The following MARCHF1 variants were observed in gnomAD, a reference collection of about 807,000 sequenced individuals.
The protein encoded by MARCHF1 is membrane associated ring-CH-type finger 1.
MARCHF1 carries 40 observed loss-of-function variants against 54.2 expected under a neutral mutation model. The ratio of observed to expected loss-of-function variants is 0.74; its 90% CI spans 0.57 to 0.96. The LOEUF (loss-of-function observed/expected upper bound fraction) is 0.96, where lower values mean the gene tolerates loss of function less well. Among genes scored for constraint, MARCHF1 ranks in the 40% least tolerant of loss-of-function variants. MARCHF1 has a pLI of 0.00. For synonymous variants in MARCHF1, 236 were observed against 236.3 expected (o/e 1.00, Z 0.01); for missense variants, 586 against 656.5 (o/e 0.89, Z 1.17).
At chr4:163,790,243 G>A (rs1747738133) in intron 4 of MARCHF1, among the ~76,000 whole-genome samples, 1 of 151,990 alleles carries the variant, frequency 6.6e-6, no homozygotes, top group Admixed American at 6.6e-5. Flanking sequence ...TTTTCCTCCT[G>A]CTGTAATCTT....
intron 3 of MARCHF1, among the ~76,000 whole-genome samples, chr4:163,895,244 C>T (rs1017710812): frequency 3.3e-5 from 5 of 152,170 alleles, no homozygotes; most frequent in Non-Finnish European, 5.9e-5. Context: ...ATTAAGATGT[C>T]TATTTATGCA....
At chr4:164,351,187 G>T (rs1730312574) in intron 1 of MARCHF1, among the ~76,000 whole-genome samples, 1 of 151,454 alleles carries the variant, frequency 6.6e-6, no homozygotes, top group African/African-American at 2.4e-5. Context: ...GCTGGGGTAG[G>T]GGCGCCCGCC....
chr4:163,624,020 C>T (rs1030480663), intron 5 of MARCHF1, among the ~76,000 whole-genome samples: 3 of 152,132 alleles, frequency 2.0e-5, no homozygotes, highest in African/African-American at 7.2e-5. Context: ...GATAATACCT[C>T]GTGAACCGTA....
intron 2 of MARCHF1, among the ~76,000 whole-genome samples, chr4:164,095,383 T>C (rs1755387890): frequency 6.6e-6 from 1 of 150,900 alleles, no homozygotes; most frequent in Non-Finnish European, 1.5e-5. Context: ...CGAGAAGTGG[T>C]AAATGTGTTT....
At chr4:163,879,804 C>CGTGTGTGTGT (rs60539215) in intron 3 of MARCHF1, among the ~76,000 whole-genome samples, 4,260 of 148,452 alleles carry the variant, frequency 0.029, 74 homozygotes, top group Non-Finnish European at 0.037. Context: ...GATTTAGAGG[C>CGTGTGTGTGT]GTGTGTGTGT....
intron 2 of MARCHF1, among the ~76,000 whole-genome samples, chr4:163,990,385 T>C (rs17044362): frequency 0.033 from 5,034 of 152,218 alleles, 262 homozygotes; most frequent in African/African-American, 0.11. Context: ...ATGTTTCTGA[T>C]ACAAACCAAT....
intron 4 of MARCHF1, among the ~76,000 whole-genome samples, chr4:163,814,082 C>G (rs954965007): frequency 3.3e-5 from 5 of 152,300 alleles, no homozygotes; most frequent in Non-Finnish European, 7.4e-5. Flanking sequence ...TCGATTGTAT[C>G]TTGAGTTAAA....
intron 1 of MARCHF1, among the ~76,000 whole-genome samples, chr4:164,268,085 TCA>T (rs1162093116): frequency 6.6e-6 from 1 of 152,052 alleles, no homozygotes; most frequent in African/African-American, 2.4e-5. Context: ...CACACAAAAA[TCA>T]CACACACAAA....
intron 3 of MARCHF1, among the ~76,000 whole-genome samples, chr4:163,964,224 T>C (rs1453510617): frequency 6.6e-6 from 1 of 152,044 alleles, no homozygotes; most frequent in East Asian, 1.9e-4. Flanking sequence ...TGTTAATTTA[T>C]GTCTTCTTTG....
chr4:164,160,056 T>TA lies in MARCHF1; in HGVS notation c.-322-48395dup, dbSNP rs531799301. On this transcript the variant is annotated intron_variant, in intron 1 of 9. Coordinates refer to ENST00000514618, the MANE Select transcript of MARCHF1 (RefSeq NM_001394959.1). ...TACTTCAGACAGACTCTATTTTTTT[T>TA]ATTATTGTTAGATGTTACAAAGTGT... Among the ~76,000 whole-genome samples, 12 of 147,780 alleles carry TA rather than the reference T, an allele frequency of 8.1e-5. No homozygotes were observed. In the South Asian group the frequency reaches 2.6e-3, roughly 31 times the overall value.
chr4:163,720,242 A>G (rs1404626071), intron 4 of MARCHF1, among the ~76,000 whole-genome samples: 1 of 152,222 alleles, frequency 6.6e-6, no homozygotes, highest in Non-Finnish European at 1.5e-5. Context: ...AGCTTTCTAC[A>G]TATGGCTAGC....
chr4:163,999,001 T>C (rs759094801), intron 2 of MARCHF1, among the ~76,000 whole-genome samples: 4 of 151,624 alleles, frequency 2.6e-5, no homozygotes, highest in Non-Finnish European at 4.4e-5. Flanking sequence ...GTAGTTACAG[T>C]TTTCAATTTT....
rs1177002753 is a variant in MARCHF1, at chr4:164,157,732, T to G, written c.-322-46070A>C. 2.6e-5 allele frequency among the ~76,000 whole-genome samples: 4 copies of G among 152,148 alleles called. No homozygotes were observed. In the East Asian group the frequency reaches 7.7e-4, roughly 29 times the overall value. The stretch of plus-strand genomic sequence containing the variant: ...GTGTTTGTGTGTTCCCATGATCATC[T>G]TCTCAAAAAGACACCAGTATACTGG... On this transcript the variant is annotated intron_variant, in intron 1 of 9. Coordinates refer to ENST00000514618, the MANE Select transcript of MARCHF1 (RefSeq NM_001394959.1).
Position 163,867,054 on chromosome 4 carries a change from T to C in MARCHF1, c.-38-12885A>G, listed in dbSNP as rs139390061. Among the ~76,000 whole-genome samples, 975 of 151,932 alleles carry C rather than the reference T, an allele frequency of 6.4e-3. 8 individuals are homozygous for C. Among genetic ancestry groups the C allele is most frequent in the East Asian group, 0.019 (98 of 5,156 alleles). ...TGACTCAGTCTCCAGGCCCCCTAAA[T>C]TGCCTGGAGATTAGGGTGATATCAC... On this transcript the variant is annotated intron_variant, in intron 3 of 9. Coordinates refer to ENST00000514618, the MANE Select transcript of MARCHF1 (RefSeq NM_001394959.1).
chr4:163,886,392 CG>C (rs570268902), intron 3 of MARCHF1, among the ~76,000 whole-genome samples: 1 of 150,278 alleles, frequency 6.7e-6, no homozygotes, highest in African/African-American at 2.5e-5. Flanking sequence ...CCTAGAGAGA[CG>C]GGGGGAGGGA....
chr4:163,957,920 T>G (rs762676689), intron 3 of MARCHF1, among the ~76,000 whole-genome samples: 1 of 152,046 alleles, frequency 6.6e-6, no homozygotes, highest in Non-Finnish European at 1.5e-5. Context: ...TAAAGTTTAT[T>G]TGCCATGCTG....
At chr4:164,279,593 G>T (rs867782096) in intron 1 of MARCHF1, among the ~76,000 whole-genome samples, 2 of 151,578 alleles carry the variant, frequency 1.3e-5, no homozygotes, top group African/African-American at 4.8e-5. Flanking sequence ...TAATTATCCT[G>T]ATTTGATCAT....
chr4:164,105,894 A>G (rs1046713784), intron 2 of MARCHF1, among the ~76,000 whole-genome samples: 7 of 148,702 alleles, frequency 4.7e-5, no homozygotes, highest in African/African-American at 1.0e-4. Context: ...TCTAGAATCT[A>G]CAATGAACTC....
At chr4:164,357,600 GAGATGCTAATT>G (rs1356831190) in intron 1 of MARCHF1, among the ~76,000 whole-genome samples, 3 of 152,104 alleles carry the variant, frequency 2.0e-5, no homozygotes, top group Admixed American at 1.3e-4. Flanking sequence ...AAGATAATAA[GAGATGCTAATT>G]TTGAAAAATT....
Sources: gnomAD v4.1 joint callset for allele counts (sites outside exome capture counted in the v4.1 genomes callset) on GRCh38, gnomAD v4.1.1 for gene constraint, MANE v1.5 for transcripts, NCBI Gene and HGNC (gene_info 2026-07-23, HGNC 2026-07-21) for gene names.